YEATS2: variants seen among roughly 807,000 people sequenced by gnomAD.
YEATS2 encodes YEATS domain containing 2.
Under a neutral mutation model 163.2 loss-of-function variants are expected in YEATS2, and 77 were observed. That is an observed-to-expected ratio of 0.47 (90% confidence interval 0.39 to 0.57). The LOEUF (loss-of-function observed/expected upper bound fraction) is 0.57. Among genes scored for constraint, YEATS2 ranks in the 20% least tolerant of loss-of-function variants. The pLI, the probability that YEATS2 is intolerant of heterozygous loss-of-function variation, is 0.00. For missense variants in YEATS2, 1,549 were observed against 1,729.8 expected (o/e 0.90, Z 1.85); for synonymous variants, 631 against 645.1 (o/e 0.98, Z 0.33).
Position 183,806,890 on chromosome 3 carries a change from C to G in YEATS2, c.3809C>G (p.Ala1270Gly), listed in dbSNP as rs752773736. 1.4e-5 allele frequency: 22 copies of G among 1,613,880 alleles called. No homozygotes were observed. The highest frequency in any genetic ancestry group is 1.3e-4 in the Admixed American group (8 of 60,000). The change falls in exon 28 of 31, where the codon GCT becomes GGT. Residue 1270 changes from alanine to glycine, a missense_variant. Physicochemically the swap from Ala to Gly is moderately conservative, Grantham distance 60. Coordinates refer to ENST00000305135, the MANE Select transcript of YEATS2 (RefSeq NM_018023.5). The stretch of plus-strand genomic sequence containing the variant: ...GAGTGCCCATCATCATTCTCCTCTG[C>G]TGACAACCTCTGCCGCAAACTGGAG... ...EPECPSSFSS[A>G]DNLCRKLEDL...
intron 21 of YEATS2, among the ~76,000 whole-genome samples, chr3:183,792,009 T>C (rs1400904972): frequency 6.6e-6 from 1 of 152,354 alleles, no homozygotes; most frequent in South Asian, 2.1e-4. Flanking sequence ...CTGTCTGGTG[T>C]GTAGTGGCCA....
intron 23 of YEATS2, among the ~76,000 whole-genome samples, chr3:183,799,817 G>GTTTTTTTTT (rs71629992): frequency 3.0e-5 from 4 of 133,052 alleles, no homozygotes; most frequent in Non-Finnish European, 3.2e-5. Flanking sequence ...GAGTAGCATT[G>GTTTTTTTTT]TTTTTTTTTT....
At chr3:183,789,132 G>T (rs1255494788) in intron 20 of YEATS2, among the ~76,000 whole-genome samples, 1 of 152,102 alleles carries the variant, frequency 6.6e-6, no homozygotes. Context: ...AACTTGATGT[G>T]ATCCCATTTA....
chr3:183,772,603 T>A (rs546493869), intron 16 of YEATS2, 40 bp downstream of exon 16: 16 of 1,606,648 alleles, frequency 1.0e-5, no homozygotes, highest in Non-Finnish European at 1.4e-5. Flanking sequence ...CAGCAGAAGC[T>A]CTGTCCAAAA....
At chr3:183,760,313 A>ATTTTTTTTTTTTTTTTTTTTTTTT (rs11417378) in intron 13 of YEATS2, among the ~76,000 whole-genome samples, 1 of 110,314 alleles carries the variant, frequency 9.1e-6, no homozygotes, top group African/African-American at 3.6e-5. Context: ...AAACTACAGA[A>ATTTTTTTTTTTTTTTTTTTTTTTT]TTTTTTTTTT....
rs1648435234 is a variant in YEATS2 at position 183,724,508 on chromosome 3, A to G, written c.627A>G (p.Thr209=). Residue 209 remains threonine, a synonymous_variant, in exon 6 of 31, where the codon ACA becomes ACG. Coordinates refer to ENST00000305135, the MANE Select transcript of YEATS2 (RefSeq NM_018023.5). ...DETSRLFVKK[T]IVVGNVSKYI... Reference sequence around the variant, plus strand: ...CTTCACGACTTTTTGTAAAGAAAACAATAGTAGTGGGCAATGTGTCCAAGT... The same window carrying G: ...CTTCACGACTTTTTGTAAAGAAAACGATAGTAGTGGGCAATGTGTCCAAGT... The G allele has an allele frequency of 1.2e-6, 2 of 1,612,702 alleles. No homozygotes were observed. Among genetic ancestry groups the G allele is most frequent in the African/African-American group, 1.3e-5 (1 of 74,892 alleles).
intron 1 of YEATS2, among the ~76,000 whole-genome samples, chr3:183,699,402 G>GGCTAGA (rs1385928260): frequency 6.6e-6 from 1 of 151,814 alleles, no homozygotes; most frequent in Non-Finnish European, 1.5e-5. Flanking sequence ...GGAGGAGAGA[G>GGCTAGA]GCTAGAGCTA....
chr3:183,718,721 C>T (rs953558356), intron 4 of YEATS2, 129 bp downstream of exon 4: 7 of 770,376 alleles, frequency 9.1e-6, no homozygotes, highest in South Asian at 7.8e-5. Flanking sequence ...TTTTTTGAGA[C>T]GGAGTCTCGC....
In YEATS2 at chr3:183,786,204, C is replaced by T. The variant is rs200106420; in HGVS notation, c.2816C>T (p.Ser939Leu). The change falls in exon 20 of 31, where the codon TCG becomes TTG. Residue 939 changes from serine (S) to leucine (L), a missense_variant. Physicochemically the swap from Ser to Leu is moderately radical, Grantham distance 145. Transcript: ENST00000305135. ...LKTVPATSQL[S>L]KPGTTMLRVA... ...ACTGTGCCAGCCACCTCACAGCTCT[C>T]GAAGCCTGGAACCACAATGCTGAGA... 15 of 1,614,114 alleles carry T rather than the reference C, an allele frequency of 9.3e-6. No homozygotes were observed. In the African/African-American group the frequency reaches 9.3e-5, roughly 10 times the overall value.
chr3:183,707,678 ATTTTT>A (rs1176429941), intron 1 of YEATS2, among the ~76,000 whole-genome samples: 3 of 106,122 alleles, frequency 2.8e-5, no homozygotes, highest in African/African-American at 7.5e-5. Flanking sequence ...TTCCCCACCT[ATTTTT>A]TTTTTTTTTT....
chr3:183,775,884 A>G (rs367804576), intron 17 of YEATS2, 31 bp from the exon 18 acceptor site: 3 of 1,610,590 alleles, frequency 1.9e-6, no homozygotes, highest in East Asian at 2.2e-5. Context: ...GATACTTTTT[A>G]TGATGTTGCT....
intron 7 of YEATS2, among the ~76,000 whole-genome samples, chr3:183,734,638 A>C (rs770424973): frequency 2.6e-5 from 4 of 152,246 alleles, no homozygotes; most frequent in African/African-American, 4.8e-5. Context: ...ATCTAGAATT[A>C]ACATGCAGGA....
At chr3:183,786,358 C>G (rs746061443) in intron 20 of YEATS2, 57 bp downstream of exon 20, 3 of 1,513,158 alleles carry the variant, frequency 2.0e-6, no homozygotes, top group Non-Finnish European at 2.7e-6. Flanking sequence ...GGTGTAGATA[C>G]AAGGAAGGTG....
At chr3:183,703,141 A>T (rs376400910) in intron 1 of YEATS2, among the ~76,000 whole-genome samples, 3 of 152,296 alleles carry the variant, frequency 2.0e-5, no homozygotes, top group South Asian at 4.1e-4. Context: ...AGCTCTTTAC[A>T]TGTTATTAGA....
At chr3:183,699,504 T>C (rs1713841158) in intron 1 of YEATS2, among the ~76,000 whole-genome samples, 2 of 151,312 alleles carry the variant, frequency 1.3e-5, no homozygotes, top group South Asian at 4.2e-4. Context: ...AGCCCAGATA[T>C]TCTAGACCAG....
chr3:183,724,315 A>T (rs887999948), intron 5 of YEATS2, 104 bp from the exon 6 acceptor site: 56 of 854,130 alleles, frequency 6.6e-5, no homozygotes, highest in Non-Finnish European at 8.3e-5. Context: ...GTAATTTTTT[A>T]AAAAAACTTA....
chr3:183,798,494 C>T (rs536360603), intron 22 of YEATS2, among the ~76,000 whole-genome samples: 1 of 152,120 alleles, frequency 6.6e-6, no homozygotes, highest in African/African-American at 2.4e-5. Context: ...GCTGGGACTA[C>T]AGGCGCGTGC....
intron 14 of YEATS2, among the ~76,000 whole-genome samples, 193 bp downstream of exon 14, chr3:183,761,807 A>G (rs1233696469): frequency 6.6e-6 from 1 of 152,212 alleles, no homozygotes; most frequent in Non-Finnish European, 1.5e-5. Context: ...TTCATGGAGC[A>G]CAGTGTGTTT....
chr3:183,714,472 A>T (rs1243081356), intron 1 of YEATS2, among the ~76,000 whole-genome samples: 1 of 151,966 alleles, frequency 6.6e-6, no homozygotes, highest in Non-Finnish European at 1.5e-5. Flanking sequence ...CTGGGATTAC[A>T]GGCGTGAGCC....
Sources: allele counts gnomAD v4.1 joint callset (sites outside exome capture counted in the v4.1 genomes callset), GRCh38; gene constraint gnomAD v4.1.1; transcripts MANE v1.5; gene names NCBI Gene and HGNC (gene_info 2026-07-23, HGNC 2026-07-21).